The following IPO7 variants were observed in gnomAD, a reference collection of about 807,000 sequenced individuals.
IPO7 encodes importin 7.
IPO7 carries 13 observed loss-of-function variants against 136.4 expected under a neutral mutation model. The observed-to-expected ratio is 0.10, with a 90% CI of 0.06 to 0.15. IPO7 has a LOEUF of 0.15. IPO7 is among the 10% of genes least tolerant of loss of function. The pLI is 1.00. For synonymous variants in IPO7, 403 were observed against 404.4 expected (o/e 1.00, Z 0.04); for missense variants, 857 against 1,240.6 (o/e 0.69, Z 4.65).
chr11:9,439,946 A>T (rs1402698590), intron 22 of IPO7, among the ~76,000 whole-genome samples: 1 of 152,196 alleles, frequency 6.6e-6, no homozygotes, highest in Non-Finnish European at 1.5e-5. Flanking sequence ...TTTATTGGAG[A>T]CATCCATCCT....
chr11:9,420,252 G>A, intron 6 of IPO7, 159 bp from the exon 7 acceptor site: 1 of 544,106 alleles, frequency 1.8e-6, no homozygotes. Flanking sequence ...GGGAGGCGGA[G>A]CTTGCAGTGA....
At chr11:9,398,160 A>G (rs1464972790) in intron 1 of IPO7, among the ~76,000 whole-genome samples, 2 of 152,252 alleles carry the variant, frequency 1.3e-5, no homozygotes, top group East Asian at 3.8e-4. Context: ...GCCCCTAGGC[A>G]ATCACATCTT....
At chr11:9,384,981 C>G in intron 1 of IPO7, 134 bp downstream of exon 1, 1 of 664,280 alleles carries the variant, frequency 1.5e-6, no homozygotes, top group South Asian at 1.9e-5. Flanking sequence ...GGACATCTGA[C>G]GGCGACTTCC....
chr11:9,423,002 C>A lies in IPO7; in HGVS notation c.907-4C>A. The A allele has an allele frequency of 1.3e-6, 2 of 1,506,102 alleles. No homozygotes were observed. The highest frequency in any genetic ancestry group is 1.8e-6 in the Non-Finnish European group (2 of 1,123,602). The allele number at this position is 1,506,102 out of a possible 1,614,324, so 93.3% of individuals were successfully genotyped here. ...TGATTTGTGATCGAAAATTTTTTTC[C>A]AAGGTTTTATTGAAGGTGTTATATC... On this transcript the variant is annotated splice_region_variant and splice_polypyrimidine_tract_variant and intron_variant, in intron 8 of 24. Transcript: ENST00000379719.
At chr11:9,441,762 T>C (rs1454065410) in intron 23 of IPO7, among the ~76,000 whole-genome samples, 2 of 152,306 alleles carry the variant, frequency 1.3e-5, no homozygotes, top group Non-Finnish European at 1.5e-5. Context: ...TTTAAGATGG[T>C]TGGGTTAGCT....
chr11:9,422,925 G>T, intron 8 of IPO7, 81 bp from the exon 9 acceptor site: 1 of 731,854 alleles, frequency 1.4e-6, no homozygotes, highest in Non-Finnish European at 2.2e-6. Flanking sequence ...ATTAAAATAT[G>T]TGTTAACTGT....
At position 9,445,959 on chromosome 11, in the gene IPO7, C is replaced by T. The variant is rs1374132591; in HGVS notation, c.*765C>T. 6.6e-6 allele frequency: 1 copy of T among 152,118 alleles called. No homozygotes were observed. Among genetic ancestry groups the T allele is most frequent in the African/African-American group, 2.4e-5 (1 of 41,416 alleles). 9.4% of individuals were successfully genotyped at this position (152,118 alleles called of 1,614,324 possible). On this transcript the variant is annotated 3_prime_UTR_variant, in exon 25 of 25. Coordinates refer to ENST00000379719, the MANE Select transcript of IPO7 (RefSeq NM_006391.3). ...ACCTGGTGACTTTGTGGTGCACTCACCTCTGATAGTGACTTGAATTCGGTA... is the reference window on the plus strand; with the variant it reads ...ACCTGGTGACTTTGTGGTGCACTCATCTCTGATAGTGACTTGAATTCGGTA...
At chr11:9,386,513 G>A (rs1271879441) in intron 1 of IPO7, among the ~76,000 whole-genome samples, 1 of 152,128 alleles carries the variant, frequency 6.6e-6, no homozygotes, top group African/African-American at 2.4e-5. Flanking sequence ...TTTCTACCAT[G>A]ACTTTGCTCT....
rs145011962 is a variant in IPO7 at position 9,427,031 on chromosome 11, G to C, written c.1336-1509G>C. On this transcript the variant is annotated intron_variant, in intron 12 of 24. Transcript: ENST00000379719. ...CCCCAGCCTAATTTTTGTATTTTTA[G>C]TAGAGATGGGGTTTTGCCATGTTGG... Among the ~76,000 whole-genome samples the C allele has an allele frequency of 6.0e-3, 906 of 152,110 alleles. 18 individuals carry two copies. Among genetic ancestry groups the C allele is most frequent in the African/African-American group, 0.021 (862 of 41,486 alleles).
At chr11:9,406,650 C>T (rs1854892222) in intron 2 of IPO7, among the ~76,000 whole-genome samples, 2 of 152,204 alleles carry the variant, frequency 1.3e-5, no homozygotes, top group Admixed American at 1.3e-4. Context: ...GATGGGGGAT[C>T]ATTTGAAGTC....
At chr11:9,429,330 C>T in intron 14 of IPO7, 134 bp downstream of exon 14, 1 of 732,572 alleles carries the variant, frequency 1.4e-6, no homozygotes, top group Non-Finnish European at 2.2e-6. Flanking sequence ...GCCTGGGCAA[C>T]ATCTCTACAA....
intron 16 of IPO7, 36 bp downstream of exon 16, chr11:9,431,039 C>T: frequency 6.3e-7 from 1 of 1,590,078 alleles, no homozygotes; most frequent in Non-Finnish European, 8.6e-7. Flanking sequence ...TTTTTCAAGC[C>T]ATTTTATGCT....
chr11:9,408,518 T>C lies in IPO7; in HGVS notation c.199T>C (p.Tyr67His), dbSNP rs1349605201. 6.2e-7 allele frequency: 1 copy of C among 1,601,800 alleles called. No individual in the cohort carries two copies. Among genetic ancestry groups the C allele is most frequent in the Non-Finnish European group, 8.5e-7 (1 of 1,175,826 alleles). The change falls in exon 3 of 25, where the codon TAT becomes CAT. Residue 67 changes from tyrosine (Y) to histidine (H), a missense_variant. Tyr to His is a moderately conservative substitution (Grantham distance 83). Coordinates refer to ENST00000379719, the MANE Select transcript of IPO7 (RefSeq NM_006391.3). ...CTATCTGAAAAATATGATAACACAG[T>C]ATTGGCCTGATCGAGAAACAGCACC... ...VIYLKNMITQ[Y>H]WPDRETAPGD...
At chr11:9,393,457 G>A (rs1452435198) in intron 1 of IPO7, among the ~76,000 whole-genome samples, 1 of 152,158 alleles carries the variant, frequency 6.6e-6, no homozygotes, top group Non-Finnish European at 1.5e-5. Flanking sequence ...ACAGCTCACT[G>A]CAACCTCCGT....
At position 9,420,692 on chromosome 11, in the gene IPO7, C is replaced by T; in HGVS notation, c.900C>T (p.Val300=). Residue 300 remains valine (V), a synonymous_variant, in exon 8 of 25, where the codon GTC becomes GTT. Coordinates refer to ENST00000379719, the MANE Select transcript of IPO7 (RefSeq NM_006391.3). ...EVFLKAFAVG[V]QQVLLKVLYQ... ...TTCTGAAGGCATTTGCTGTTGGTGT[C>T]CAGCAAGTAAGTCTGTTTTTAGTTT... The T allele has an allele frequency of 6.2e-7, 1 of 1,602,542 alleles. No homozygotes were observed. The highest frequency in any genetic ancestry group is 8.5e-7 in the Non-Finnish European group (1 of 1,169,894).
intron 15 of IPO7, 55 bp downstream of exon 15, chr11:9,429,889 G>C: frequency 1.5e-6 from 2 of 1,332,070 alleles, no homozygotes; most frequent in South Asian, 2.9e-5. Flanking sequence ...CTCTCAGTAT[G>C]TTCCAGGTTG....
chr11:9,397,333 T>TAAAAAAAAAA (rs1238499611), intron 1 of IPO7, among the ~76,000 whole-genome samples: 3 of 52,910 alleles, frequency 5.7e-5, no homozygotes, highest in African/African-American at 7.9e-5. Flanking sequence ...AAAAATAATT[T>TAAAAAAAAAA]AAAAAAAAAT....
chr11:9,433,359 C>G (rs1365475618), intron 16 of IPO7: 1 of 517,830 alleles, frequency 1.9e-6, no homozygotes, highest in East Asian at 3.0e-5. Context: ...ATTAAGCTAG[C>G]CATTCCTTGT....
At chr11:9,404,038 TTTTAA>T (rs1368649893) in intron 2 of IPO7, among the ~76,000 whole-genome samples, 1 of 152,314 alleles carries the variant, frequency 6.6e-6, no homozygotes, top group African/African-American at 2.4e-5. Context: ...TTTCATTTCT[TTTTAA>T]TTTATTTGCA....
Sources: gnomAD v4.1 joint callset for allele counts (sites outside exome capture counted in the v4.1 genomes callset) on GRCh38, gnomAD v4.1.1 for gene constraint, MANE v1.5 for transcripts, NCBI Gene and HGNC (gene_info 2026-07-23, HGNC 2026-07-21) for gene names.